GRID1: variants seen among roughly 807,000 people sequenced by gnomAD.
GRID1 encodes glutamate ionotropic receptor delta type subunit 1.
In GRID1, 28 loss-of-function variants were observed where a neutral mutation model predicts 98.0. The observed-to-expected ratio is 0.29, with a 90% CI of 0.21 to 0.39. The LOEUF (loss-of-function observed/expected upper bound fraction) is 0.39, where lower values mean the gene tolerates loss of function less well. GRID1 is among the 10% of genes least tolerant of loss of function. The pLI is 1.00. For missense variants in GRID1, 1,111 were observed against 1,340.5 expected, an observed-to-expected ratio of 0.83 and a Z score of 2.67; for synonymous variants, 553 against 538.5, an observed-to-expected ratio of 1.03 and a Z score of -0.37.
intron 5 of GRID1, among the ~76,000 whole-genome samples, chr10:85,892,255 G>T (rs934894161): frequency 6.7e-6 from 1 of 150,310 alleles, no homozygotes; most frequent in African/African-American, 2.4e-5. Flanking sequence ...GAGCATTAGT[G>T]AGAATAGAAT....
intron 8 of GRID1, among the ~76,000 whole-genome samples, chr10:85,807,600 A>G (rs1842634552): frequency 6.6e-6 from 1 of 152,158 alleles, no homozygotes; most frequent in Non-Finnish European, 1.5e-5. Flanking sequence ...GGAAAAAAAC[A>G]TATGTTAAAT....
intron 2 of GRID1, among the ~76,000 whole-genome samples, chr10:86,301,357 T>C (rs987609621): frequency 1.3e-5 from 2 of 152,268 alleles, no homozygotes; most frequent in African/African-American, 2.4e-5. Flanking sequence ...ACACCCTTCA[T>C]TTCCATTCAT....
intron 12 of GRID1, 59 bp from the exon 13 acceptor site, chr10:85,647,456 A>G: frequency 7.4e-7 from 1 of 1,347,148 alleles, no homozygotes; most frequent in Non-Finnish European, 1.1e-6. Context: ...CACTGCAAGG[A>G]TACAAATGGG....
intron 2 of GRID1, among the ~76,000 whole-genome samples, chr10:86,310,581 T>C (rs1338575573): frequency 6.6e-6 from 1 of 152,164 alleles, no homozygotes; most frequent in Non-Finnish European, 1.5e-5. Context: ...TACCTGAGTG[T>C]TGGGGAGAAA....
At chr10:86,102,615 C>T (rs1417964916) in intron 4 of GRID1, among the ~76,000 whole-genome samples, 1 of 152,212 alleles carries the variant, frequency 6.6e-6, no homozygotes, top group Non-Finnish European at 1.5e-5. Context: ...AGGCCTGATC[C>T]CCACAACATA....
intron 4 of GRID1, among the ~76,000 whole-genome samples, chr10:85,975,703 G>A (rs1822850162): frequency 6.6e-6 from 1 of 152,132 alleles, no homozygotes. Context: ...GGGTCTCCAA[G>A]TTGCCCTCTT....
chr10:86,148,345 T>C (rs1485480060), intron 3 of GRID1, among the ~76,000 whole-genome samples: 3 of 152,222 alleles, frequency 2.0e-5, no homozygotes, highest in Admixed American at 6.5e-5. Context: ...GAGCAGATTA[T>C]GCTAAGTGAA....
chr10:86,066,232 G>C (rs1030373792), intron 4 of GRID1, among the ~76,000 whole-genome samples: 2 of 152,138 alleles, frequency 1.3e-5, no homozygotes, highest in African/African-American at 2.4e-5. Context: ...CCAGAGAGAC[G>C]AATTCAGGGA....
At chr10:85,681,219 C>A (rs767917124) in intron 12 of GRID1, among the ~76,000 whole-genome samples, 1 of 152,068 alleles carries the variant, frequency 6.6e-6, no homozygotes, top group African/African-American at 2.4e-5. Flanking sequence ...TTGGCTCCCC[C>A]CATGAGCCCT....
chr10:85,820,853 T>C (rs1842763599), intron 8 of GRID1, among the ~76,000 whole-genome samples: 1 of 152,208 alleles, frequency 6.6e-6, no homozygotes, highest in African/African-American at 2.4e-5. Flanking sequence ...GAAAACAGCA[T>C]GGACGTTTCT....
At chr10:86,312,032 C>A (rs903548725) in intron 2 of GRID1, among the ~76,000 whole-genome samples, 1 of 152,230 alleles carries the variant, frequency 6.6e-6, no homozygotes, top group Non-Finnish European at 1.5e-5. Flanking sequence ...TGTTTCCCAG[C>A]ACTTGTAATT....
At chr10:85,826,180 A>G (rs1842818206) in intron 8 of GRID1, among the ~76,000 whole-genome samples, 1 of 152,024 alleles carries the variant, frequency 6.6e-6, no homozygotes, top group Non-Finnish European at 1.5e-5. Flanking sequence ...AAAAAAAAAT[A>G]CAAAATTAGC....
At chr10:85,684,335 C>T (rs1239437328) in intron 12 of GRID1, among the ~76,000 whole-genome samples, 1 of 152,084 alleles carries the variant, frequency 6.6e-6, no homozygotes, top group African/African-American at 2.4e-5. Flanking sequence ...GCCAAACTTG[C>T]TTGTAAATAT....
intron 10 of GRID1, 79 bp from the exon 11 acceptor site, chr10:85,724,755 C>T: frequency 1.7e-6 from 2 of 1,177,970 alleles, no homozygotes; most frequent in Non-Finnish European, 1.2e-6. Context: ...GGTCCACCCT[C>T]TGTCCTTTGA....
chr10:86,218,514 C>G (rs1846207981), intron 2 of GRID1, among the ~76,000 whole-genome samples: 1 of 152,206 alleles, frequency 6.6e-6, no homozygotes, highest in African/African-American at 2.4e-5. Flanking sequence ...TTGCACTAAT[C>G]CTGCAGCATA....
intron 5 of GRID1, among the ~76,000 whole-genome samples, chr10:85,886,672 A>G (rs1215206036): frequency 6.6e-6 from 1 of 152,216 alleles, no homozygotes; most frequent in Non-Finnish European, 1.5e-5. Context: ...AGCCAGGTTG[A>G]GGGACAAAGA....
chr10:85,701,864 T>G (rs1419535714), intron 12 of GRID1, among the ~76,000 whole-genome samples: 3 of 152,070 alleles, frequency 2.0e-5, no homozygotes, highest in Admixed American at 2.0e-4. Flanking sequence ...TAAAGTGCAG[T>G]GTATACCGCT....
intron 8 of GRID1, among the ~76,000 whole-genome samples, chr10:85,748,711 T>A (rs1263978655): frequency 1.3e-5 from 2 of 152,244 alleles, no homozygotes; most frequent in South Asian, 2.1e-4. Flanking sequence ...AAATTTATAT[T>A]TCTATATCAG....
At chr10:85,986,399 C>T (rs758232342) in intron 4 of GRID1, among the ~76,000 whole-genome samples, 19 of 152,212 alleles carry the variant, frequency 1.2e-4, no homozygotes, top group Non-Finnish European at 2.5e-4. Flanking sequence ...TAATAATAAT[C>T]CAGTTTGTTG....
Sources: gnomAD v4.1 joint callset for allele counts (sites outside exome capture counted in the v4.1 genomes callset) on GRCh38, gnomAD v4.1.1 for gene constraint, MANE v1.5 for transcripts, NCBI Gene and HGNC (gene_info 2026-07-23, HGNC 2026-07-21) for gene names.